The following MON2 variants were observed in gnomAD, a reference collection of about 807,000 sequenced individuals.
The protein encoded by MON2 is MON2 regulator of endosome-to-Golgi trafficking.
MON2 carries 84 observed loss-of-function variants against 208.6 expected under a neutral mutation model. The observed-to-expected ratio is 0.40, with a 90% CI of 0.34 to 0.48. MON2 has a LOEUF of 0.48. MON2 is among the 20% of genes least tolerant of loss of function. The probability of loss-of-function intolerance (pLI) is 0.59; values close to 1 mark genes in which losing one functional copy is unlikely to be tolerated. For synonymous variants in MON2, 660 were observed against 694.0 expected, an observed-to-expected ratio of 0.95 and a Z score of 0.77; for missense variants, 1,611 against 2,015.4, an observed-to-expected ratio of 0.80 and a Z score of 3.84.
chr12:62,472,277 A>G (rs1378559379), intron 1 of MON2, among the ~76,000 whole-genome samples: 1 of 152,160 alleles, frequency 6.6e-6, no homozygotes, highest in Non-Finnish European at 1.5e-5. Flanking sequence ...AGTTGGGACA[A>G]TGGTGGGAAT....
At chr12:62,500,065 G>A (rs1200540645) in intron 5 of MON2, among the ~76,000 whole-genome samples, 1 of 151,846 alleles carries the variant, frequency 6.6e-6, no homozygotes. Context: ...AATAACACAG[G>A]GCAATTTCCC....
chr12:62,556,217 A>T, intron 25 of MON2, 25 bp downstream of exon 25: 1 of 1,599,994 alleles, frequency 6.3e-7, no homozygotes, highest in Non-Finnish European at 8.5e-7. Context: ...TTTTCTGATT[A>T]TACAAGTAAT....
At chr12:62,477,948 T>C (rs2069185688) in intron 1 of MON2, among the ~76,000 whole-genome samples, 1 of 152,156 alleles carries the variant, frequency 6.6e-6, no homozygotes, top group African/African-American at 2.4e-5. Context: ...ATGAACCTAC[T>C]CATGGAACAG....
Position 62,534,913 on chromosome 12 carries a change from C to T in MON2, c.1702C>T (p.Leu568Phe), listed in dbSNP as rs2072894397. 30 of 1,610,646 alleles carry T rather than the reference C, an allele frequency of 1.9e-5. No individual in the cohort carries two copies. The highest frequency in any genetic ancestry group is 2.5e-5 in the Non-Finnish European group (30 of 1,177,646). The change falls in exon 13 of 35, where the codon CTT (leucine) becomes TTT (phenylalanine). Residue 568 changes from leucine to phenylalanine, a missense_variant. Transcript: ENST00000393630. ...TGGTCTTCTTGCTGCACTCTCACTCCTTCTTGATGCCAGGTATTAAGTCTT... is the reference window on the plus strand; with the variant it reads ...TGGTCTTCTTGCTGCACTCTCACTCTTTCTTGATGCCAGGTATTAAGTCTT... ...WCGLLAALSL[L>F]LDASTDEAAT...
At position 62,553,034 on chromosome 12, in the gene MON2, T is replaced by C; in HGVS notation, c.3070T>C (p.Cys1024Arg). The change falls in exon 24 of 35, where the codon TGT becomes CGT. Residue 1024 changes from cysteine (C) to arginine (R), a missense_variant. Cys to Arg is a radical substitution (Grantham distance 180). Transcript: ENST00000393630. ...ACCGCCATTTGATTGCTTGTGGTTA[T>C]GTCTTTATGCAAAATTGGGTGAACT... ...PAPPFDCLWL[C>R]LYAKLGELCV... The C allele has an allele frequency of 1.2e-6, 2 of 1,614,206 alleles. No homozygotes were observed. Among genetic ancestry groups the C allele is most frequent in the Non-Finnish European group, 1.7e-6 (2 of 1,180,024 alleles).
At chr12:62,486,461 A>G (rs998843547) in intron 2 of MON2, among the ~76,000 whole-genome samples, 2 of 152,112 alleles carry the variant, frequency 1.3e-5, no homozygotes, top group Non-Finnish European at 2.9e-5. Flanking sequence ...AAATACAATT[A>G]ATAGTCATGT....
chr12:62,550,789 G>A (rs1177772182), intron 23 of MON2, among the ~76,000 whole-genome samples: 1 of 151,960 alleles, frequency 6.6e-6, no homozygotes, highest in Non-Finnish European at 1.5e-5. Context: ...GGAGAATTAG[G>A]GTCTTTCTCT....
In MON2 at chr12:62,592,684, G is replaced by A. The variant is rs780326149; in HGVS notation, c.5089G>A (p.Ala1697Thr). 2.5e-6 allele frequency: 4 copies of A among 1,609,600 alleles called. No individual in the cohort carries two copies. The highest frequency in any genetic ancestry group is 2.5e-6 in the Non-Finnish European group (3 of 1,176,860). ...SSEVCSALKE[A>T]LVPFKDFMQP... ...AGAAGTCTGTTCTGCACTTAAAGAG[G>A]CACTAGTTCCTTTTAAGGATTTCAT... Residue 1697 changes from alanine (A) to threonine (T), a missense_variant, in exon 35 of 35, where the codon GCA becomes ACA. By Grantham distance (58) the Ala-to-Thr change is moderately conservative. Transcript: ENST00000393630.
intron 8 of MON2, among the ~76,000 whole-genome samples, chr12:62,511,173 C>G (rs2071377719): frequency 1.3e-5 from 2 of 152,064 alleles, no homozygotes; most frequent in Non-Finnish European, 2.9e-5. Flanking sequence ...GTTAAAATGT[C>G]CATATAATCT....
At chr12:62,479,975 A>T (rs1237505499) in intron 1 of MON2, among the ~76,000 whole-genome samples, 1 of 152,234 alleles carries the variant, frequency 6.6e-6, no homozygotes, top group Non-Finnish European at 1.5e-5. Flanking sequence ...ACCTCTGTTC[A>T]TACAGAATAA....
intron 1 of MON2, among the ~76,000 whole-genome samples, chr12:62,483,443 G>C (rs1795715): frequency 1.3e-5 from 2 of 152,352 alleles, no homozygotes; most frequent in Admixed American, 6.5e-5. Flanking sequence ...GCCCATGCCT[G>C]TAATCCTGGC....
At position 62,543,112 on chromosome 12, in the gene MON2, G is replaced by A; in HGVS notation, c.2380G>A (p.Ala794Thr). 1 of 1,570,692 alleles carries A rather than the reference G, an allele frequency of 6.4e-7. No homozygotes were observed. Among genetic ancestry groups the A allele is most frequent in the Non-Finnish European group, 8.6e-7 (1 of 1,161,020 alleles). ...TTCTCCCTAGGAACCATCTCTTTTT[G>A]CTGTTGCCAAATTGTTAGAAACTGG... ...YGNNKEPSLF[A>T]VAKLLETGLV... Residue 794 changes from alanine (A) to threonine (T), a missense_variant, in exon 20 of 35, where the codon GCT becomes ACT. Ala to Thr is a moderately conservative substitution (Grantham distance 58). Transcript: ENST00000393630.
At chr12:62,540,996 T>C (rs1474636791) in intron 19 of MON2, among the ~76,000 whole-genome samples, 3 of 152,334 alleles carry the variant, frequency 2.0e-5, no homozygotes, top group Non-Finnish European at 2.9e-5. Flanking sequence ...TATATATCAG[T>C]GTTCTTTAGG....
At chr12:62,543,805 A>G (rs1311235568) in intron 20 of MON2, among the ~76,000 whole-genome samples, 4 of 152,082 alleles carry the variant, frequency 2.6e-5, no homozygotes. Flanking sequence ...ACGGGGTTTA[A>G]CCATATTAGC....
At chr12:62,549,407 C>A (rs1190812635) in intron 22 of MON2, among the ~76,000 whole-genome samples, 6 of 150,452 alleles carry the variant, frequency 4.0e-5, no homozygotes, top group Non-Finnish European at 8.9e-5. Flanking sequence ...ATCACTTGAG[C>A]CCAGGAAATT....
intron 25 of MON2, 136 bp from the exon 26 acceptor site, chr12:62,560,355 G>C: frequency 1.2e-6 from 1 of 854,688 alleles, no homozygotes; most frequent in South Asian, 1.8e-5. Flanking sequence ...TAGTACCTTA[G>C]TACCTAGTCA....
At chr12:62,509,000 T>A (rs912133527) in intron 8 of MON2, 5 of 152,388 alleles carry the variant, frequency 3.3e-5, no homozygotes, top group Non-Finnish European at 7.3e-5. Flanking sequence ...AATGCTTTAG[T>A]CGTAAACATT....
chr12:62,570,331 A>G (rs2074546259), intron 29 of MON2, among the ~76,000 whole-genome samples: 1 of 152,222 alleles, frequency 6.6e-6, no homozygotes, highest in East Asian at 1.9e-4. Context: ...AAAAAAGTAC[A>G]CAAAAATAGA....
At chr12:62,491,087 A>G (rs2136034730) in intron 2 of MON2, among the ~76,000 whole-genome samples, 1 of 152,334 alleles carries the variant, frequency 6.6e-6, no homozygotes, top group African/African-American at 2.4e-5. Context: ...TCATGTTATT[A>G]TCACATCAGT....
Sources: allele counts gnomAD v4.1 joint callset (sites outside exome capture counted in the v4.1 genomes callset), GRCh38; gene constraint gnomAD v4.1.1; transcripts MANE v1.5; gene names NCBI Gene and HGNC (gene_info 2026-07-23, HGNC 2026-07-21).